The following EPC2 variants were observed in gnomAD, a reference collection of about 807,000 sequenced individuals.
EPC2 encodes the protein enhancer of polycomb 2.
In EPC2, 14 loss-of-function variants were observed where a neutral mutation model predicts 92.1. That is an observed-to-expected ratio of 0.15 (90% CI 0.10 to 0.24). The LOEUF is 0.24. Ranked by LOEUF, EPC2 falls within the 10% of genes least tolerant of loss-of-function variation. EPC2 has a pLI of 1.00. For missense variants in EPC2, 755 were observed against 971.5 expected (o/e 0.78, Z 2.96); for synonymous variants, 340 against 334.7 (o/e 1.02, Z -0.17).
chr2:148,678,376 C>T (rs936584090), intron 1 of EPC2, among the ~76,000 whole-genome samples: 8 of 152,358 alleles, frequency 5.3e-5, no homozygotes, highest in Middle Eastern at 3.4e-3. Flanking sequence ...ATGGAGCTGC[C>T]GGCTAGTCCC....
At chr2:148,782,068 C>A (rs1338650975) in intron 11 of EPC2, among the ~76,000 whole-genome samples, 1 of 152,132 alleles carries the variant, frequency 6.6e-6, no homozygotes. Flanking sequence ...AAGAATCATT[C>A]TCCACCTCCA....
At chr2:148,672,609 C>T (rs1342533766) in intron 1 of EPC2, among the ~76,000 whole-genome samples, 4 of 152,120 alleles carry the variant, frequency 2.6e-5, no homozygotes, top group Middle Eastern at 3.2e-3. Flanking sequence ...ATGCCTTTTG[C>T]TCACCACCGC....
intron 10 of EPC2, among the ~76,000 whole-genome samples, chr2:148,772,934 T>C (rs1483049119): frequency 6.6e-6 from 1 of 152,110 alleles, no homozygotes. Context: ...TTAAAACATA[T>C]CATATAGAGG....
intron 2 of EPC2, among the ~76,000 whole-genome samples, chr2:148,742,588 C>A (rs548780377): frequency 6.6e-6 from 1 of 151,914 alleles, no homozygotes; most frequent in African/African-American, 2.4e-5. Flanking sequence ...CCAGACAAGC[C>A]TGGGCAACAT....
rs202134004 is a variant in EPC2, at chr2:148,762,652, T to A, written c.816-18T>A. On this transcript the variant is annotated intron_variant, in intron 5 of 13. Transcript: ENST00000258484. ...CAAACTATGCAATGTTTTCTTATAT[T>A]TTTGTTACCTTTTCAAGATACCATT... The A allele has an allele frequency of 5.2e-6, 8 of 1,545,242 alleles. No individual in the cohort carries two copies. Among genetic ancestry groups the A allele is most frequent in the Non-Finnish European group, 1.7e-6 (2 of 1,145,568 alleles).
intron 1 of EPC2, among the ~76,000 whole-genome samples, chr2:148,685,304 T>C (rs890408493): frequency 3.9e-5 from 6 of 152,214 alleles, no homozygotes; most frequent in African/African-American, 1.4e-4. Context: ...TTCTCTGCTC[T>C]TACAGCTGAA....
intron 3 of EPC2, among the ~76,000 whole-genome samples, chr2:148,744,483 T>A (rs1239385956): frequency 6.6e-6 from 1 of 152,100 alleles, no homozygotes; most frequent in Non-Finnish European, 1.5e-5. Context: ...CATAGGAAAT[T>A]GTACATTATA....
At chr2:148,785,333 C>T (rs1424730350) in intron 13 of EPC2, among the ~76,000 whole-genome samples, 1 of 151,922 alleles carries the variant, frequency 6.6e-6, no homozygotes, top group Non-Finnish European at 1.5e-5. Flanking sequence ...CCCCCACTGC[C>T]CGCCCCACCC....
chr2:148,691,795 C>G (rs1337082021), intron 2 of EPC2: 6 of 712,984 alleles, frequency 8.4e-6, no homozygotes, highest in Non-Finnish European at 1.6e-5. Context: ...TTGAGAAATA[C>G]AAAATTCTTT....
At chr2:148,766,214 A>T (rs545826022) in intron 7 of EPC2, among the ~76,000 whole-genome samples, 1 of 152,344 alleles carries the variant, frequency 6.6e-6, no homozygotes, top group East Asian at 1.9e-4. Flanking sequence ...TGTTTGCTTT[A>T]AGGAAACTTT....
chr2:148,728,094 A>G (rs1574607967), intron 2 of EPC2, among the ~76,000 whole-genome samples: 1 of 152,064 alleles, frequency 6.6e-6, no homozygotes, highest in East Asian at 1.9e-4. Flanking sequence ...CACTCAAGTG[A>G]TCCTCCTGCC....
At chr2:148,663,197 T>TTAC (rs1396396234) in intron 1 of EPC2, among the ~76,000 whole-genome samples, 1 of 94,266 alleles carries the variant, frequency 1.1e-5, no homozygotes, top group Non-Finnish European at 2.1e-5. Context: ...TGTTTTTGTA[T>TTAC]TATTATTATT....
At chr2:148,770,990 A>G in intron 9 of EPC2, 53 bp downstream of exon 9, 3 of 1,597,744 alleles carry the variant, frequency 1.9e-6, no homozygotes, top group South Asian at 2.3e-5. Flanking sequence ...ACAGAAGACA[A>G]AGAGAACATG....
intron 12 of EPC2, among the ~76,000 whole-genome samples, chr2:148,784,342 T>C (rs749476037): frequency 6.6e-6 from 1 of 152,228 alleles, no homozygotes; most frequent in Non-Finnish European, 1.5e-5. Flanking sequence ...TTTACTAATA[T>C]TCATGCATGT....
chr2:148,747,779 T>C (rs946528321), intron 3 of EPC2, among the ~76,000 whole-genome samples: 5 of 152,162 alleles, frequency 3.3e-5, no homozygotes, highest in Non-Finnish European at 7.4e-5. Flanking sequence ...AGTGTTGATA[T>C]TTCCTTTGTT....
chr2:148,705,533 G>A (rs549366737), intron 2 of EPC2, among the ~76,000 whole-genome samples: 7 of 152,148 alleles, frequency 4.6e-5, no homozygotes, highest in Non-Finnish European at 8.8e-5. Flanking sequence ...CCTCAAGTGG[G>A]TCCCTGACCC....
chr2:148,667,177 A>G (rs139708417), intron 1 of EPC2, among the ~76,000 whole-genome samples: 166 of 152,338 alleles, frequency 1.1e-3, no homozygotes, highest in African/African-American at 3.7e-3. Flanking sequence ...TGTTGATAGA[A>G]TTGAGAAGCC....
At chr2:148,728,602 T>C (rs1423997091) in intron 2 of EPC2, among the ~76,000 whole-genome samples, 1 of 152,070 alleles carries the variant, frequency 6.6e-6, no homozygotes, top group African/African-American at 2.4e-5. Flanking sequence ...GGTGGTGTTA[T>C]GTCTGTAGTC....
intron 2 of EPC2, among the ~76,000 whole-genome samples, chr2:148,715,560 T>C (rs542782335): frequency 2.0e-5 from 3 of 152,296 alleles, no homozygotes; most frequent in African/African-American, 7.2e-5. Context: ...TTCTGGGTTC[T>C]CTATTCTGTT....
Sources: allele counts gnomAD v4.1 joint callset (sites outside exome capture counted in the v4.1 genomes callset), GRCh38; gene constraint gnomAD v4.1.1; transcripts MANE v1.5; gene names NCBI Gene and HGNC (gene_info 2026-07-23, HGNC 2026-07-21).